The following TMEM263 variants were observed in gnomAD, a reference collection of about 807,000 sequenced individuals.
TMEM263 encodes the protein transmembrane protein 263, also known as UPF0444 transmembrane protein C12orf23.
Under a neutral mutation model 8.6 loss-of-function variants are expected in TMEM263, and 5 were observed. The ratio of observed to expected loss-of-function variants is 0.58; its 90% CI spans 0.31 to 1.23. The LOEUF (loss-of-function observed/expected upper bound fraction) is 1.23. TMEM263 is among the 50% of genes most tolerant of loss of function. The pLI is 0.07. For missense variants in TMEM263, 104 were observed against 138.8 expected, an observed-to-expected ratio of 0.75 and a Z score of 1.26; for synonymous variants, 50 against 47.9, an observed-to-expected ratio of 1.04 and a Z score of -0.18.
In TMEM263 at chr12:106,972,752, T is replaced by A. The variant is rs1329759027; in HGVS notation, c.*1361T>A. ...TTTAATTTCATAAAACGTTTAACAATTGGCATATATACTTGGCATTCCTGT... is the reference window on the plus strand; with the variant it reads ...TTTAATTTCATAAAACGTTTAACAAATGGCATATATACTTGGCATTCCTGT... On this transcript the variant is annotated 3_prime_UTR_variant, in exon 4 of 4. Transcript: ENST00000280756. 1 of 152,140 alleles carries A rather than the reference T, an allele frequency of 6.6e-6. No homozygotes were observed. The highest frequency in any genetic ancestry group is 1.5e-5 in the Non-Finnish European group (1 of 67,984). 9.4% of individuals were successfully genotyped at this position (152,140 alleles called of 1,614,324 possible).
At position 106,972,071 on chromosome 12, in the gene TMEM263, G is replaced by T. The variant is rs571126824; in HGVS notation, c.*680G>T. The T allele has an allele frequency of 6.5e-6, 1 of 152,678 alleles. No individual in the cohort carries two copies. The highest frequency in any genetic ancestry group is 6.5e-5 in the Admixed American group (1 of 15,288). The allele number at this position is 152,678 out of a possible 1,614,324, so 9.5% of individuals were successfully genotyped here. On this transcript the variant is annotated 3_prime_UTR_variant, in exon 4 of 4. Coordinates refer to ENST00000280756, the MANE Select transcript of TMEM263 (RefSeq NM_152261.4). ...CTATGGATTCTTTTAAAGGTTGTTT[G>T]TGAAATTAGTTTTCCCTTTTTAGAA...
intron 2 of TMEM263, among the ~76,000 whole-genome samples, chr12:106,963,305 G>T (rs1266163282): frequency 6.6e-6 from 1 of 152,198 alleles, no homozygotes; most frequent in Non-Finnish European, 1.5e-5. Flanking sequence ...AAGAACAAAG[G>T]TGGAAGCTCG....
chr12:106,961,224 A>ATTTTTTTT (rs554707654), intron 2 of TMEM263, among the ~76,000 whole-genome samples: 5 of 75,130 alleles, frequency 6.7e-5, no homozygotes, highest in Admixed American at 1.4e-4. Context: ...TGCCCAGTCA[A>ATTTTTTTT]TTTTTTTTTT....
At chr12:106,958,701 G>A (rs1346656437) in intron 2 of TMEM263, among the ~76,000 whole-genome samples, 1 of 152,222 alleles carries the variant, frequency 6.6e-6, no homozygotes, top group African/African-American at 2.4e-5. Flanking sequence ...ATTTATGTCT[G>A]TAGAATAAGT....
At chr12:106,966,468 T>C (rs4964511) in intron 2 of TMEM263, among the ~76,000 whole-genome samples, 99,633 of 152,096 alleles carry the variant, frequency 0.66, 34,588 homozygotes, top group African/African-American at 0.88. Flanking sequence ...TGTGGTAGAA[T>C]GATTTATATT....
intron 1 of TMEM263, 37 bp downstream of exon 1, chr12:106,956,102 C>T (rs530936619): frequency 1.0e-6 from 1 of 954,836 alleles, no homozygotes; most frequent in African/African-American, 1.8e-5. Context: ...GGGCGCAGTC[C>T]CGGCTTCCTG....
rs1361218491 is a variant in TMEM263, at chr12:106,973,441, CT to C, written c.*2053del. 1 of 152,504 alleles carries C rather than the reference CT, an allele frequency of 6.6e-6. No homozygotes were observed. Among genetic ancestry groups the C allele is most frequent in the Non-Finnish European group, 1.5e-5 (1 of 67,980 alleles). The allele number at this position is 152,504 out of a possible 1,614,324, so 9.4% of individuals were successfully genotyped here. A position where few individuals can be genotyped will look rare whatever the true frequency, so the allele number is the denominator to read the frequency against. ...TGTATGCTTGCATATTTATTTTCAA[CT>C]TTGTTTGTCTTTAAAATTGCTTGAG... On this transcript the variant is annotated 3_prime_UTR_variant, in exon 4 of 4. Coordinates refer to ENST00000280756, the MANE Select transcript of TMEM263 (RefSeq NM_152261.4).
chr12:106,968,764 C>T (rs1951878382), intron 3 of TMEM263, among the ~76,000 whole-genome samples: 2 of 152,172 alleles, frequency 1.3e-5, no homozygotes, highest in South Asian at 4.1e-4. Flanking sequence ...TCTTTAAATG[C>T]ATGTGTACCA....
intron 2 of TMEM263, among the ~76,000 whole-genome samples, chr12:106,962,493 C>A (rs1390704690): frequency 6.6e-6 from 1 of 152,190 alleles, no homozygotes; most frequent in Non-Finnish European, 1.5e-5. Flanking sequence ...GCTGGCTTCT[C>A]TTTTGCTCAC....
chr12:106,961,930 T>C (rs1175658518), intron 2 of TMEM263, among the ~76,000 whole-genome samples: 2 of 152,208 alleles, frequency 1.3e-5, no homozygotes, highest in African/African-American at 4.8e-5. Context: ...ATTAACTTCA[T>C]CTGTGGCTAA....
intron 2 of TMEM263, among the ~76,000 whole-genome samples, chr12:106,965,929 G>A (rs1317289127): frequency 3.3e-5 from 5 of 152,094 alleles, no homozygotes; most frequent in African/African-American, 9.7e-5. Flanking sequence ...CATTACAAGA[G>A]AGGGATGTCT....
chr12:106,964,655 T>C (rs1301031892), intron 2 of TMEM263, among the ~76,000 whole-genome samples: 2 of 152,246 alleles, frequency 1.3e-5, no homozygotes, highest in Non-Finnish European at 2.9e-5. Context: ...TTAGGTGCCA[T>C]TGATAAATGA....
chr12:106,970,435 A>G (rs1020681317), intron 3 of TMEM263, among the ~76,000 whole-genome samples: 2 of 152,232 alleles, frequency 1.3e-5, no homozygotes, highest in African/African-American at 2.4e-5. Context: ...ACTGGTTTAT[A>G]CATTTTAGCA....
In TMEM263 at chr12:106,956,065, GGTGA is replaced by G. The variant is rs1458020277; in HGVS notation, c.-75+7_-75+10del. 4 of 984,466 alleles carry G rather than the reference GGTGA, an allele frequency of 4.1e-6. No individual in the cohort carries two copies. Among genetic ancestry groups the G allele is most frequent in the African/African-American group, 3.5e-5 (2 of 57,342 alleles). The allele number at this position is 984,466 out of a possible 1,614,324, so 61.0% of individuals were successfully genotyped here. A position where few individuals can be genotyped will look rare whatever the true frequency, so the allele number is the denominator to read the frequency against. Reference sequence around the variant, plus strand: ...CCCTAGCGCTGGCCGCGACCCCGGCGGTGAGTGAGTCGGGATGCGAGGGCAGGGG... The same window carrying G: ...CCCTAGCGCTGGCCGCGACCCCGGCGGTGAGTCGGGATGCGAGGGCAGGGG... On this transcript the variant is annotated splice_donor_variant and splice_donor_region_variant and intron_variant, in intron 1 of 3. Coordinates refer to ENST00000280756, the MANE Select transcript of TMEM263 (RefSeq NM_152261.4). LOFTEE classifies it low-confidence loss of function (5UTR_SPLICE).
intron 2 of TMEM263, among the ~76,000 whole-genome samples, chr12:106,957,455 A>AT (rs546559664): frequency 9.6e-4 from 140 of 146,038 alleles, no homozygotes; most frequent in Middle Eastern, 3.6e-3. Context: ...CATGGGTTTG[A>AT]TTTTTTTTTT....
At position 106,960,524 on chromosome 12, in the gene TMEM263, T is replaced by C. The variant is rs3803124; in HGVS notation, c.-7+3375T>C. Among the ~76,000 whole-genome samples the C allele has an allele frequency of 7.5e-4, 114 of 152,302 alleles. No homozygotes were observed. In the East Asian group the frequency reaches 0.02, roughly 26 times the overall value. On this transcript the variant is annotated intron_variant, in intron 2 of 3. Coordinates refer to ENST00000280756, the MANE Select transcript of TMEM263 (RefSeq NM_152261.4). ...CTAATAAATTTTAAATGCAATTGAA[T>C]ATTTCTATATAATAATATCTAGCTT...
chr12:106,957,024 C>G (rs1951703753), intron 1 of TMEM263, 58 bp from the exon 2 acceptor site: 18 of 935,586 alleles, frequency 1.9e-5, no homozygotes, highest in Non-Finnish European at 2.3e-5. Context: ...GAACACTGTG[C>G]TAATTCCAAA....
rs1446241269 is a variant in TMEM263 at position 106,956,078 on chromosome 12, G to C, written c.-75+13G>C. On this transcript the variant is annotated intron_variant, in intron 1 of 3. Transcript: ENST00000280756. ...CGCGACCCCGGCGGTGAGTGAGTCG[G>C]GATGCGAGGGCAGGGGCGCAGTCCC... The C allele has an allele frequency of 1.0e-6, 1 of 980,612 alleles. No homozygotes were observed. The highest frequency in any genetic ancestry group is 1.7e-5 in the African/African-American group (1 of 57,254). The allele number at this position is 980,612 out of a possible 1,614,324, so 60.7% of individuals were successfully genotyped here. A position where few individuals can be genotyped will look rare whatever the true frequency, so the allele number is the denominator to read the frequency against.
chr12:106,964,420 T>G (rs1260525618), intron 2 of TMEM263, among the ~76,000 whole-genome samples: 1 of 152,204 alleles, frequency 6.6e-6, no homozygotes, highest in Non-Finnish European at 1.5e-5. Flanking sequence ...GATCTTACCA[T>G]GATGATAAAT....
Sources: allele counts gnomAD v4.1 joint callset (sites outside exome capture counted in the v4.1 genomes callset), GRCh38; gene constraint gnomAD v4.1.1; transcripts MANE v1.5; gene names NCBI Gene and HGNC (gene_info 2026-07-23, HGNC 2026-07-21).